The following EXOC4 variants were observed in gnomAD, a reference collection of about 807,000 sequenced individuals.
The protein encoded by EXOC4 is exocyst complex component 4.
Under a neutral mutation model 107.2 loss-of-function variants are expected in EXOC4, and 71 were observed. The ratio of observed to expected loss-of-function variants is 0.66; its 90% CI spans 0.55 to 0.81. The LOEUF is 0.81. EXOC4 is among the 30% of genes least tolerant of loss of function. The probability of loss-of-function intolerance (pLI) is 0.00; values close to 1 mark genes in which losing one functional copy is unlikely to be tolerated. For synonymous variants in EXOC4, 456 were observed against 441.2 expected, an observed-to-expected ratio of 1.03 and a Z score of -0.42; for missense variants, 1,108 against 1,189.6, an observed-to-expected ratio of 0.93 and a Z score of 1.01.
At chr7:133,690,922 C>T (rs1794405691) in intron 10 of EXOC4, among the ~76,000 whole-genome samples, 1 of 152,110 alleles carries the variant, frequency 6.6e-6, no homozygotes, top group Non-Finnish European at 1.5e-5. Flanking sequence ...GCCGACTCCT[C>T]ATCTTGTGAT....
intron 9 of EXOC4, among the ~76,000 whole-genome samples, chr7:133,629,681 C>G (rs995945797): frequency 6.6e-6 from 1 of 151,842 alleles, no homozygotes; most frequent in Admixed American, 6.6e-5. Context: ...GCTGGGACTA[C>G]AGGCACATGC....
At chr7:133,273,253 C>G (rs2150522452) in intron 1 of EXOC4, among the ~76,000 whole-genome samples, 1 of 152,316 alleles carries the variant, frequency 6.6e-6, no homozygotes. Flanking sequence ...CCAAATATTG[C>G]AAGTAATCTT....
chr7:133,489,043 A>C (rs1253889145), intron 9 of EXOC4, among the ~76,000 whole-genome samples: 1 of 149,530 alleles, frequency 6.7e-6, no homozygotes, highest in African/African-American at 2.4e-5. Flanking sequence ...TAATATATAT[A>C]AAATCTAATG....
intron 10 of EXOC4, among the ~76,000 whole-genome samples, chr7:133,709,937 ATTATTACACATATG>A (rs900160498): frequency 4.6e-5 from 7 of 152,132 alleles, no homozygotes; most frequent in Admixed American, 2.0e-4. Flanking sequence ...TGCTGTAGTT[ATTATTACACATATG>A]TTATTACACC....
At chr7:133,540,656 C>T (rs1800362940) in intron 9 of EXOC4, among the ~76,000 whole-genome samples, 1 of 152,158 alleles carries the variant, frequency 6.6e-6, no homozygotes, top group Non-Finnish European at 1.5e-5. Context: ...GTTATGCCTT[C>T]CTTATTCAAT....
intron 7 of EXOC4, among the ~76,000 whole-genome samples, chr7:133,386,006 C>A (rs1796717970): frequency 6.6e-6 from 1 of 150,942 alleles, no homozygotes; most frequent in African/African-American, 2.4e-5. Context: ...TGATTGTTTT[C>A]TAATTGTGAA....
At chr7:133,636,360 G>A (rs1172331510) in intron 10 of EXOC4, among the ~76,000 whole-genome samples, 1 of 152,196 alleles carries the variant, frequency 6.6e-6, no homozygotes, top group Non-Finnish European at 1.5e-5. Flanking sequence ...GTGATTCTGT[G>A]ACTGGGCAGT....
At chr7:133,328,874 G>A (rs1218581994) in intron 5 of EXOC4, among the ~76,000 whole-genome samples, 1 of 152,092 alleles carries the variant, frequency 6.6e-6, no homozygotes, top group Non-Finnish European at 1.5e-5. Flanking sequence ...TTCAGCCTTG[G>A]TGAATCTGAT....
intron 9 of EXOC4, among the ~76,000 whole-genome samples, chr7:133,600,484 A>G (rs1801780635): frequency 6.6e-6 from 1 of 152,154 alleles, no homozygotes; most frequent in South Asian, 2.1e-4. Context: ...GTAGTTTTCT[A>G]CTTTCCCAAT....
intron 4 of EXOC4, among the ~76,000 whole-genome samples, chr7:133,310,590 C>T (rs995897439): frequency 6.6e-6 from 1 of 152,216 alleles, no homozygotes; most frequent in Non-Finnish European, 1.5e-5. Flanking sequence ...TAATCAGGCT[C>T]TAAAGCCCAG....
At chr7:134,077,639 A>C in the EXOC4 span, among the ~76,000 whole-genome samples, 1 of 152,220 alleles carries the variant, frequency 6.6e-6, no homozygotes, top group Non-Finnish European at 1.5e-5. Flanking sequence ...CACACTTCAC[A>C]AAAGGGGGTG....
At chr7:133,974,109 G>T (rs760008433) in intron 14 of EXOC4, among the ~76,000 whole-genome samples, 1 of 152,160 alleles carries the variant, frequency 6.6e-6, no homozygotes, top group African/African-American at 2.4e-5. Context: ...TAAGTTTTCA[G>T]CCCATGCTTT....
At chr7:133,399,530 G>A (rs985702967) in intron 7 of EXOC4, among the ~76,000 whole-genome samples, 1 of 152,208 alleles carries the variant, frequency 6.6e-6, no homozygotes, top group Non-Finnish European at 1.5e-5. Flanking sequence ...TTCATGCTCA[G>A]ATGTTGCTTC....
chr7:134,009,198 A>G (rs1794712624), intron 17 of EXOC4, among the ~76,000 whole-genome samples: 1 of 152,130 alleles, frequency 6.6e-6, no homozygotes, highest in African/African-American at 2.4e-5. Flanking sequence ...TTTGTTTTTA[A>G]TAATGCCCAA....
At position 133,815,549 on chromosome 7, in the gene EXOC4, C is replaced by T. The variant is rs113604234; in HGVS notation, c.1515-1776C>T. Among the ~76,000 whole-genome samples the T allele has an allele frequency of 3.9e-4, 60 of 152,154 alleles. 1 individual carries two copies. The highest frequency in any genetic ancestry group is 7.4e-4 in the Non-Finnish European group (50 of 68,014). Reference sequence around the variant, plus strand: ...TCAAGAGTAGTATAGCAGTGCTTGCCGCTGTCTTATATGCTTTGCAATATA... The same window carrying T: ...TCAAGAGTAGTATAGCAGTGCTTGCTGCTGTCTTATATGCTTTGCAATATA... On this transcript the variant is annotated intron_variant, in intron 10 of 17. Transcript: ENST00000253861.
chr7:133,762,894 T>C (rs145929886), intron 10 of EXOC4, among the ~76,000 whole-genome samples: 2 of 152,146 alleles, frequency 1.3e-5, no homozygotes, highest in African/African-American at 4.8e-5. Flanking sequence ...AGAAATATTT[T>C]TTCTTTGCTG....
intron 8 of EXOC4, 34 bp from the exon 9 acceptor site, chr7:133,480,016 C>T: frequency 6.3e-7 from 1 of 1,577,220 alleles, no homozygotes; most frequent in Non-Finnish European, 8.7e-7. Context: ...TTGGTTTACA[C>T]CTGCTTGTCT....
the EXOC4 span, among the ~76,000 whole-genome samples, chr7:134,097,190 A>G: frequency 1.2e-3 from 184 of 152,250 alleles, no homozygotes; most frequent in Non-Finnish European, 1.7e-3. Flanking sequence ...GGAGATGTTG[A>G]TTTAGTACAT....
At chr7:133,914,433 G>T (rs1273571314) in intron 12 of EXOC4, among the ~76,000 whole-genome samples, 1 of 152,078 alleles carries the variant, frequency 6.6e-6, no homozygotes, top group African/African-American at 2.4e-5. Context: ...GTTATGCAAA[G>T]AACTGTTTCA....
Sources: allele counts gnomAD v4.1 joint callset (sites outside exome capture counted in the v4.1 genomes callset), GRCh38; gene constraint gnomAD v4.1.1; transcripts MANE v1.5; gene names NCBI Gene and HGNC (gene_info 2026-07-23, HGNC 2026-07-21).